The following OPHN1 variants were observed in gnomAD, a reference collection of about 807,000 sequenced individuals.
OPHN1 encodes the protein oligophrenin-1.
A neutral mutation model predicts 60.7 loss-of-function variants in OPHN1; 11 were observed. That is an observed-to-expected ratio of 0.18 (90% CI 0.11 to 0.30). The LOEUF is 0.30. Among genes scored for constraint, OPHN1 ranks in the 10% least tolerant of loss-of-function variants. The pLI, the probability that OPHN1 is intolerant of heterozygous loss-of-function variation, is 1.00. For synonymous variants in OPHN1, 226 were observed against 222.6 expected (o/e 1.02, Z -0.14); for missense variants, 449 against 611.0 (o/e 0.73, Z 2.80).
At chrX:68,369,918 T>C (rs2147728596) in intron 2 of OPHN1, among the ~76,000 whole-genome samples, 1 of 103,027 alleles carries the variant, frequency 9.7e-6, no homozygotes, top group South Asian at 4.6e-4. Flanking sequence ...AAAAGCAACT[T>C]ACCATGTATA....
At chrX:68,161,635 T>C (rs780012398) in intron 15 of OPHN1, among the ~76,000 whole-genome samples, 2 of 111,116 alleles carry the variant, frequency 1.8e-5, no homozygotes, top group East Asian at 2.8e-4. Context: ...GGTAAAAGTA[T>C]ACTTTTGGTC....
At chrX:68,338,262 T>C (rs1427933464) in intron 2 of OPHN1, among the ~76,000 whole-genome samples, 1 of 112,083 alleles carries the variant, frequency 8.9e-6, no homozygotes, top group African/African-American at 3.2e-5. Context: ...CAAACATCTA[T>C]AGAACACTTC....
At chrX:68,119,725 T>A (rs1446436613) in intron 15 of OPHN1, among the ~76,000 whole-genome samples, 1 of 111,439 alleles carries the variant, frequency 9.0e-6, no homozygotes, top group Non-Finnish European at 1.9e-5. Context: ...TAACCTAATC[T>A]GTAATTTACA....
chrX:68,225,299 G>T (rs1183784886), intron 6 of OPHN1, among the ~76,000 whole-genome samples: 1 of 112,114 alleles, frequency 8.9e-6, no homozygotes, highest in East Asian at 2.8e-4. Flanking sequence ...CTGGGGGCAG[G>T]GCATAGCTGA....
At chrX:68,259,157 T>C (rs769724031) in intron 5 of OPHN1, among the ~76,000 whole-genome samples, 12 of 111,734 alleles carry the variant, frequency 1.1e-4, no homozygotes, top group Non-Finnish European at 1.5e-4. Context: ...AAATGACTCA[T>C]CCATCAATAA....
chrX:68,395,779 T>A (rs1374009788), intron 2 of OPHN1, among the ~76,000 whole-genome samples: 1 of 110,740 alleles, frequency 9.0e-6, no homozygotes, highest in Non-Finnish European at 1.9e-5. Context: ...AGAAATGAGG[T>A]CTTACTATGT....
chrX:68,431,705 G>A (rs994612617), intron 2 of OPHN1, among the ~76,000 whole-genome samples: 6 of 110,556 alleles, frequency 5.4e-5, no homozygotes, highest in Non-Finnish European at 5.7e-5. Flanking sequence ...TGGGATTACA[G>A]GCGTGAGCCA....
chrX:68,129,567 G>A (rs753697606), intron 15 of OPHN1, among the ~76,000 whole-genome samples: 5 of 112,097 alleles, frequency 4.5e-5, no homozygotes, highest in Admixed American at 2.8e-4. Flanking sequence ...AATAATCATA[G>A]AAAATATATT....
chrX:68,293,609 T>C (rs1039035215), intron 3 of OPHN1, among the ~76,000 whole-genome samples: 8 of 112,234 alleles, frequency 7.1e-5, no homozygotes, highest in African/African-American at 1.3e-4. Context: ...CTGGAAAAGA[T>C]GTAGCAAGGT....
chrX:68,184,130 G>A (rs1389297137), intron 15 of OPHN1, among the ~76,000 whole-genome samples: 4 of 111,704 alleles, frequency 3.6e-5, no homozygotes, highest in Non-Finnish European at 7.5e-5. Flanking sequence ...CACCAACATG[G>A]CACATGTATA....
Position 68,401,634 on chromosome X carries a change from T to C in OPHN1, c.154+31233A>G, listed in dbSNP as rs140670637. Among the ~76,000 whole-genome samples, 686 of 112,010 alleles carry C rather than the reference T, an allele frequency of 6.1e-3. 6 individuals carry two copies. Among genetic ancestry groups the C allele is most frequent in the South Asian group, 9.3e-3 (25 of 2,674 alleles). On this transcript the variant is annotated intron_variant, in intron 2 of 24. Coordinates refer to ENST00000355520, the MANE Select transcript of OPHN1 (RefSeq NM_002547.3). ...AGCATTATACAAACATCAGGAGATG[T>C]AGATTGTCCCAAGAGAGTTCAAATG...
At chrX:68,064,508 T>C (rs1163804493) in intron 20 of OPHN1, among the ~76,000 whole-genome samples, 2 of 112,531 alleles carry the variant, frequency 1.8e-5, no homozygotes, top group Non-Finnish European at 3.7e-5. Context: ...CATATTCTAT[T>C]CTTTGCAAAT....
intron 15 of OPHN1, among the ~76,000 whole-genome samples, chrX:68,145,412 G>A (rs936083644): frequency 6.3e-5 from 7 of 111,761 alleles, no homozygotes; most frequent in African/African-American, 2.3e-4. Context: ...TTGCACGCAT[G>A]AACAGCAGAG....
In OPHN1 at chrX:68,071,787, C is replaced by T. The variant is rs550788678; in HGVS notation, c.1834+1365G>A. 15 of 426,517 alleles carry T rather than the reference C, an allele frequency of 3.5e-5. 1 individual carries two copies. The Middle Eastern group carries it at 1.9e-3, about 54-fold the overall frequency. The allele number at this position is 426,517 out of a possible 1,213,427, so 35.1% of individuals were successfully genotyped here. A position where few individuals can be genotyped will look rare whatever the true frequency, so the allele number is the denominator to read the frequency against. ...CGACATTTTGGAAATGGAGAGAGGT[C>T]GATGATTCAGACAGTAAGGGAGCCG... On this transcript the variant is annotated intron_variant, in intron 20 of 24. Transcript: ENST00000355520.
intron 15 of OPHN1, among the ~76,000 whole-genome samples, chrX:68,135,864 G>T (rs1193923372): frequency 8.9e-6 from 1 of 111,874 alleles, no homozygotes; most frequent in Non-Finnish European, 1.9e-5. Context: ...AAGATCAATA[G>T]TTCATTTTGG....
chrX:68,144,761 T>C (rs2077257009), intron 15 of OPHN1, among the ~76,000 whole-genome samples: 1 of 111,999 alleles, frequency 8.9e-6, no homozygotes. Context: ...CATTTATTTA[T>C]TAACTCAACA....
At chrX:68,389,460 G>A (rs1220339029) in intron 2 of OPHN1, among the ~76,000 whole-genome samples, 7 of 107,853 alleles carry the variant, frequency 6.5e-5, no homozygotes, top group Non-Finnish European at 1.3e-4. Flanking sequence ...TCAGCTACTC[G>A]GGAGGCTAAG....
chrX:68,344,492 A>G (rs891119285), intron 2 of OPHN1, among the ~76,000 whole-genome samples: 1 of 110,049 alleles, frequency 9.1e-6, no homozygotes, highest in Admixed American at 9.9e-5. Flanking sequence ...GGTGCCTGTA[A>G]TCCCAGCTAC....
At chrX:68,333,571 G>A (rs2078306118) in intron 2 of OPHN1, among the ~76,000 whole-genome samples, 1 of 110,677 alleles carries the variant, frequency 9.0e-6, no homozygotes, top group South Asian at 3.8e-4. Flanking sequence ...GGAGGCGGAG[G>A]TTGCTGTGAG....
Sources: gnomAD v4.1 joint callset for allele counts (sites outside exome capture counted in the v4.1 genomes callset) on GRCh38, gnomAD v4.1.1 for gene constraint, MANE v1.5 for transcripts, NCBI Gene and HGNC (gene_info 2026-07-23, HGNC 2026-07-21) for gene names.